IMMP2L: variants seen among roughly 807,000 people sequenced by gnomAD.
The protein encoded by IMMP2L is inner mitochondrial membrane peptidase subunit 2, also known as mitochondrial inner membrane protease subunit 2.
In IMMP2L, 18 loss-of-function variants were observed where a neutral mutation model predicts 19.3. The ratio of observed to expected loss-of-function variants is 0.93; its 90% CI spans 0.64 to 1.38. The LOEUF (loss-of-function observed/expected upper bound fraction) is 1.38, where lower values mean the gene tolerates loss of function less well. IMMP2L is among the 40% of genes most tolerant of loss of function. The pLI is 0.00. For synonymous variants in IMMP2L, 76 were observed against 73.0 expected, an observed-to-expected ratio of 1.04 and a Z score of -0.21; for missense variants, 233 against 218.2, an observed-to-expected ratio of 1.07 and a Z score of -0.43.
chr7:110,774,904 C>T (rs915200107), intron 5 of IMMP2L, among the ~76,000 whole-genome samples: 3 of 151,912 alleles, frequency 2.0e-5, no homozygotes, highest in African/African-American at 4.8e-5. Flanking sequence ...ACATACACAT[C>T]CTTAAATTGT....
At chr7:111,295,700 T>C (rs1706711273) in intron 3 of IMMP2L, among the ~76,000 whole-genome samples, 1 of 151,892 alleles carries the variant, frequency 6.6e-6, no homozygotes, top group African/African-American at 2.4e-5. Context: ...ACTACCATTT[T>C]ACATACACAA....
intron 3 of IMMP2L, among the ~76,000 whole-genome samples, chr7:111,333,036 A>G (rs776516567): frequency 5.3e-5 from 8 of 152,056 alleles, no homozygotes; most frequent in Non-Finnish European, 1.0e-4. Context: ...CAACAGCCCA[A>G]TCCAGTCAGG....
At chr7:110,680,380 C>CTCACCCTAGAATGACACTTCGAGTGG (rs1192675671) in intron 5 of IMMP2L, among the ~76,000 whole-genome samples, 3 of 152,130 alleles carry the variant, frequency 2.0e-5, no homozygotes, top group Non-Finnish European at 4.4e-5. Context: ...TGCCTGTCTC[C>CTCACCCTAGAATGACACTTCGAGTGG]TCACCCTAGA....
At chr7:111,372,818 A>T (rs1830370208) in intron 3 of IMMP2L, among the ~76,000 whole-genome samples, 1 of 152,084 alleles carries the variant, frequency 6.6e-6, no homozygotes, top group Non-Finnish European at 1.5e-5. Context: ...GGACAGAATA[A>T]TATGAGCAGT....
At chr7:111,299,915 T>C (rs149714249) in intron 3 of IMMP2L, among the ~76,000 whole-genome samples, 2 of 120,720 alleles carry the variant, frequency 1.7e-5, no homozygotes, top group East Asian at 4.8e-4. Flanking sequence ...GCTGACGAAA[T>C]TGCAGTAACT....
intron 3 of IMMP2L, among the ~76,000 whole-genome samples, chr7:111,265,317 G>A (rs1334856632): frequency 6.6e-6 from 1 of 152,148 alleles, no homozygotes; most frequent in Non-Finnish European, 1.5e-5. Context: ...AGCCTCAGCT[G>A]CACTTTCATG....
At chr7:111,317,202 TA>T (rs1824203942) in intron 3 of IMMP2L, among the ~76,000 whole-genome samples, 1 of 152,102 alleles carries the variant, frequency 6.6e-6, no homozygotes, top group Admixed American at 6.6e-5. Flanking sequence ...GCCAGATTAT[TA>T]TCCAGGCCTC....
chr7:110,874,305 A>G (rs1808844573), intron 5 of IMMP2L, among the ~76,000 whole-genome samples: 1 of 152,086 alleles, frequency 6.6e-6, no homozygotes, highest in African/African-American at 2.4e-5. Context: ...AATTTTGGGT[A>G]GTCTCTATAT....
chr7:110,730,593 C>T (rs1164979518), intron 5 of IMMP2L, among the ~76,000 whole-genome samples: 11 of 151,222 alleles, frequency 7.3e-5, no homozygotes, highest in African/African-American at 1.2e-4. Flanking sequence ...CATGCCATCT[C>T]GGCTCACTGC....
chr7:111,537,613 G>T (rs1303776192), intron 1 of IMMP2L, among the ~76,000 whole-genome samples: 2 of 136,742 alleles, frequency 1.5e-5, no homozygotes, highest in Non-Finnish European at 3.0e-5. Flanking sequence ...TCAGCTCACT[G>T]CAACCTCTGC....
Position 110,663,661 on chromosome 7 carries a change from G to T in IMMP2L, c.469C>A (p.Gln157Lys). The T allele has an allele frequency of 3.7e-6, 6 of 1,610,322 alleles. No homozygotes were observed. The highest frequency in any genetic ancestry group is 5.1e-6 in the Non-Finnish European group (6 of 1,177,426). Residue 157 changes from glutamine (Q) to lysine (K), a missense_variant, in exon 6 of 6, where the codon CAG becomes AAG. Transcript: ENST00000405709. Reference sequence around the variant, plus strand: ...GGAGGAAGAACAGATTCCAATTTCTGCCAGCGCTCTGGGGGCCACAGGATA... The same window carrying T: ...GGAGGAAGAACAGATTCCAATTTCTTCCAGCGCTCTGGGGGCCACAGGATA... Reference protein sequence around the residue: ...THILWPPERWQKLESVLPPER... With the variant: ...THILWPPERWKKLESVLPPER...
At chr7:111,318,328 A>G (rs7778128) in intron 3 of IMMP2L, among the ~76,000 whole-genome samples, 3,016 of 152,236 alleles carry the variant, frequency 0.02, 106 homozygotes, top group African/African-American at 0.069. Flanking sequence ...CTTACAAAGA[A>G]CAGAAAAGGG....
At chr7:111,551,174 T>A (rs1052660356) in intron 1 of IMMP2L, among the ~76,000 whole-genome samples, 2 of 152,224 alleles carry the variant, frequency 1.3e-5, no homozygotes, top group African/African-American at 4.8e-5. Context: ...AAGATGATTT[T>A]TCAAAAGTTG....
intron 3 of IMMP2L, among the ~76,000 whole-genome samples, chr7:111,279,190 T>C (rs1819429903): frequency 6.6e-6 from 1 of 152,112 alleles, no homozygotes; most frequent in African/African-American, 2.4e-5. Flanking sequence ...ATTTTCAAAA[T>C]TGGGTAAAAT....
chr7:111,384,237 G>A (rs1274395609), intron 3 of IMMP2L, among the ~76,000 whole-genome samples: 4 of 141,768 alleles, frequency 2.8e-5, no homozygotes, highest in Admixed American at 1.4e-4. Flanking sequence ...AAAGGAGAGA[G>A]GAGAAAGGAG....
At chr7:110,809,480 G>C (rs1801875167) in intron 5 of IMMP2L, among the ~76,000 whole-genome samples, 1 of 151,490 alleles carries the variant, frequency 6.6e-6, no homozygotes, top group African/African-American at 2.4e-5. Context: ...ACTTTTTTTG[G>C]TCAGGTGCCA....
intron 3 of IMMP2L, among the ~76,000 whole-genome samples, chr7:111,239,737 G>A (rs1221951320): frequency 2.0e-5 from 3 of 151,844 alleles, no homozygotes; most frequent in Admixed American, 2.0e-4. Flanking sequence ...AAAAAGATGA[G>A]AGCAGCAATC....
intron 3 of IMMP2L, among the ~76,000 whole-genome samples, chr7:111,326,095 G>A (rs1288437284): frequency 6.6e-6 from 1 of 151,532 alleles, no homozygotes; most frequent in African/African-American, 2.4e-5. Context: ...CCAAACCTGA[G>A]TAAATTTCTG....
intron 3 of IMMP2L, among the ~76,000 whole-genome samples, chr7:111,004,478 T>A (rs921512790): frequency 2.6e-5 from 4 of 152,182 alleles, no homozygotes; most frequent in Admixed American, 6.5e-5. Flanking sequence ...TTAATTCTCA[T>A]AAAGCACTTA....
Sources: gnomAD v4.1 joint callset for allele counts (sites outside exome capture counted in the v4.1 genomes callset) on GRCh38, gnomAD v4.1.1 for gene constraint, MANE v1.5 for transcripts, NCBI Gene and HGNC (gene_info 2026-07-23, HGNC 2026-07-21) for gene names.